Variants in MGAT4C observed in about 807,000 individuals in gnomAD.
MGAT4C encodes MGAT4 family member C.
A neutral mutation model predicts 40.1 loss-of-function variants in MGAT4C; 19 were observed. The ratio of observed to expected loss-of-function variants is 0.47; its 90% confidence interval spans 0.33 to 0.70. The LOEUF is 0.70. Ranked by LOEUF, MGAT4C falls within the 30% of genes least tolerant of loss-of-function variation. MGAT4C has a pLI of 0.02. For synonymous variants in MGAT4C, 181 were observed against 187.1 expected (o/e 0.97, Z 0.27); for missense variants, 491 against 563.2 (o/e 0.87, Z 1.30).
chr12:86,336,490 C>G (rs1954795794), intron 3 of MGAT4C, among the ~76,000 whole-genome samples: 1 of 152,166 alleles, frequency 6.6e-6, no homozygotes, highest in African/African-American at 2.4e-5. Context: ...ATAATACCTA[C>G]TATCTAGCAC....
intron 1 of MGAT4C, among the ~76,000 whole-genome samples, chr12:86,826,159 T>C (rs894006946): frequency 2.0e-5 from 3 of 151,468 alleles, no homozygotes; most frequent in Non-Finnish European, 3.0e-5. Flanking sequence ...CTCTACTCTA[T>C]TGCTCTCTTT....
intron 2 of MGAT4C, among the ~76,000 whole-genome samples, chr12:86,669,435 A>G (rs1964197375): frequency 1.3e-5 from 2 of 152,100 alleles, no homozygotes; most frequent in Admixed American, 6.5e-5. Context: ...GTTGGTGCAG[A>G]GGGTCCCTCC....
At chr12:86,727,260 C>G (rs1950837092) in intron 1 of MGAT4C, 1 of 151,984 alleles carries the variant, frequency 6.6e-6, no homozygotes, top group East Asian at 1.9e-4. Flanking sequence ...GAGAAAAATG[C>G]CAGAAGGATT....
chr12:86,534,039 T>C (rs1030280787), intron 2 of MGAT4C, among the ~76,000 whole-genome samples: 14 of 152,080 alleles, frequency 9.2e-5, no homozygotes. Flanking sequence ...TTCATTGATA[T>C]ATATTGAAAT....
At position 86,269,013 on chromosome 12, in the gene MGAT4C, C is replaced by CAT. The variant is rs60328579; in HGVS notation, c.-57+65050_-57+65051dup. On this transcript the variant is annotated intron_variant, in intron 4 of 7. Transcript: ENST00000548651. ...TTTTGTATATATTCTTTCATACTTA[C>CAT]ATATATATATATATATATATATATA... 3.6e-3 allele frequency among the ~76,000 whole-genome samples: 269 copies of CAT among 74,614 alleles called. 1 individual carries two copies. The highest frequency in any genetic ancestry group is 4.4e-3 in the Non-Finnish European group (173 of 39,056). The allele number at this position is 74,614 out of a possible 152,430, so 48.9% of individuals were successfully genotyped here. A position where few individuals can be genotyped will look rare whatever the true frequency, so the allele number is the denominator to read the frequency against.
intron 2 of MGAT4C, among the ~76,000 whole-genome samples, chr12:86,648,648 C>T (rs1240060613): frequency 6.6e-6 from 1 of 151,818 alleles, no homozygotes; most frequent in Non-Finnish European, 1.5e-5. Context: ...TAGATAGGCA[C>T]CTTGATCTTG....
intron 2 of MGAT4C, among the ~76,000 whole-genome samples, chr12:86,640,813 C>T (rs1189555566): frequency 1.3e-5 from 2 of 151,820 alleles, no homozygotes; most frequent in South Asian, 2.1e-4. Flanking sequence ...TCTTTGTTCT[C>T]GTTGGTTTCA....
rs190072171 is a variant in MGAT4C at position 86,685,530 on chromosome 12, A to G, written c.-229+41679T>C. Among the ~76,000 whole-genome samples the G allele has an allele frequency of 8.7e-3, 1,319 of 152,294 alleles. 7 individuals are homozygous for G. Among genetic ancestry groups the G allele is most frequent in the Middle Eastern group, 0.017 (5 of 294 alleles). ...GCTACACAGGCTCTTTTTTGGTTCC[A>G]TATGAAATTTAAGGTAGTTGTTTCT... On this transcript the variant is annotated intron_variant, in intron 2 of 7. Coordinates refer to the MGAT4C transcript ENST00000548651.
chr12:86,212,660 G>A (rs1370334576), intron 1 of MGAT4C, among the ~76,000 whole-genome samples: 131 of 150,068 alleles, frequency 8.7e-4, no homozygotes, highest in African/African-American at 3.0e-3. Flanking sequence ...AGGCCGAGGC[G>A]GGCGGATCAC....
At chr12:86,760,666 C>T (rs1201304007) in intron 1 of MGAT4C, among the ~76,000 whole-genome samples, 1 of 152,138 alleles carries the variant, frequency 6.6e-6, no homozygotes, top group Non-Finnish European at 1.5e-5. Context: ...TTCCAGCTCA[C>T]TGCCTTAGTA....
chr12:86,407,067 A>C (rs1956488860), intron 3 of MGAT4C, among the ~76,000 whole-genome samples: 1 of 152,140 alleles, frequency 6.6e-6, no homozygotes, highest in Non-Finnish European at 1.5e-5. Context: ...GGATTGAATT[A>C]ATTTGCCATG....
intron 1 of MGAT4C, among the ~76,000 whole-genome samples, chr12:86,179,187 G>T (rs1429779624): frequency 6.6e-6 from 1 of 152,136 alleles, no homozygotes; most frequent in Non-Finnish European, 1.5e-5. Context: ...TTTATCAGGG[G>T]TTTCTGCTTT....
chr12:86,734,693 G>A (rs982629763), intron 1 of MGAT4C, among the ~76,000 whole-genome samples: 4 of 151,960 alleles, frequency 2.6e-5, no homozygotes, highest in Admixed American at 6.6e-5. Context: ...TGCCCTCACC[G>A]CAAACCAGAT....
chr12:86,275,770 T>TG (rs902514566), intron 4 of MGAT4C, among the ~76,000 whole-genome samples: 5 of 151,778 alleles, frequency 3.3e-5, no homozygotes, highest in Admixed American at 3.3e-4. Flanking sequence ...AACATAGCAG[T>TG]GCTGACCTGT....
chr12:86,341,629 G>A (rs935482758), intron 3 of MGAT4C, among the ~76,000 whole-genome samples: 2 of 152,204 alleles, frequency 1.3e-5, no homozygotes, highest in African/African-American at 4.8e-5. Context: ...CAGAAGGAGG[G>A]TCAGGCTCCC....
intron 2 of MGAT4C, among the ~76,000 whole-genome samples, chr12:86,645,897 T>G (rs1321418491): frequency 6.6e-6 from 1 of 151,832 alleles, no homozygotes; most frequent in Non-Finnish European, 1.5e-5. Context: ...ATTCTGTAAT[T>G]ATTGAAGTTT....
intron 3 of MGAT4C, among the ~76,000 whole-genome samples, chr12:86,411,031 C>T (rs1956592916): frequency 5.5e-5 from 2 of 36,628 alleles, no homozygotes; most frequent in South Asian, 3.7e-3. Context: ...CTTCCCCAGC[C>T]ATGCTTCTGT....
chr12:86,828,207 A>G (rs1952845467), intron 1 of MGAT4C, among the ~76,000 whole-genome samples: 2 of 151,262 alleles, frequency 1.3e-5, no homozygotes, highest in Middle Eastern at 4.1e-3. Flanking sequence ...AGTTTATTCA[A>G]TCAGAAAACA....
At chr12:86,265,199 CA>C (rs1447159413) in intron 4 of MGAT4C, among the ~76,000 whole-genome samples, 1 of 152,124 alleles carries the variant, frequency 6.6e-6, no homozygotes, top group African/African-American at 2.4e-5. Flanking sequence ...CTGGCTCACC[CA>C]TGTCAGGTGT....
Sources: gnomAD v4.1 joint callset for allele counts (sites outside exome capture counted in the v4.1 genomes callset) on GRCh38, gnomAD v4.1.1 for gene constraint, MANE v1.5 for transcripts, NCBI Gene and HGNC (gene_info 2026-07-23, HGNC 2026-07-21) for gene names.